SLC25A12: variants seen among roughly 807,000 people sequenced by gnomAD.
SLC25A12 encodes the protein electrogenic aspartate/glutamate antiporter SLC25A12, mitochondrial.
Under a neutral mutation model 83.3 loss-of-function variants are expected in SLC25A12, and 32 were observed. That is an observed-to-expected ratio of 0.38 (90% confidence interval 0.29 to 0.52). The LOEUF (loss-of-function observed/expected upper bound fraction) is 0.52. Among genes scored for constraint, SLC25A12 ranks in the 20% least tolerant of loss-of-function variants. The pLI is 0.84. For missense variants in SLC25A12, 611 were observed against 835.6 expected, an observed-to-expected ratio of 0.73 and a Z score of 3.31; for synonymous variants, 267 against 291.1, an observed-to-expected ratio of 0.92 and a Z score of 0.84.
intron 8 of SLC25A12, among the ~76,000 whole-genome samples, chr2:171,828,729 T>C (rs1259520057): frequency 1.3e-5 from 2 of 152,222 alleles, no homozygotes; most frequent in African/African-American, 2.4e-5. Context: ...ATCCAACCTC[T>C]AGTTCCTATT....
chr2:171,806,281 C>A (rs1051060025), intron 13 of SLC25A12, among the ~76,000 whole-genome samples: 2 of 152,224 alleles, frequency 1.3e-5, no homozygotes, highest in Admixed American at 1.3e-4. Flanking sequence ...CATGGAGAAA[C>A]CCCAGCTCTA....
At chr2:171,879,319 C>T (rs551718205) in intron 2 of SLC25A12, among the ~76,000 whole-genome samples, 2 of 152,292 alleles carry the variant, frequency 1.3e-5, no homozygotes, top group African/African-American at 2.4e-5. Flanking sequence ...TTATTCAGTG[C>T]TCTGTCTTCC....
At chr2:171,866,547 G>A (rs1685313753) in intron 3 of SLC25A12, among the ~76,000 whole-genome samples, 2 of 129,466 alleles carry the variant, frequency 1.5e-5, no homozygotes, top group Admixed American at 8.4e-5. Context: ...GGGCAGAGGC[G>A]CCCCTCACCT....
intron 2 of SLC25A12, among the ~76,000 whole-genome samples, chr2:171,887,102 C>G (rs1168631713): frequency 6.6e-6 from 1 of 152,096 alleles, no homozygotes; most frequent in Non-Finnish European, 1.5e-5. Context: ...CTTCTCAGCT[C>G]CAGGCTACTG....
At chr2:171,877,951 C>T (rs1160697683) in intron 2 of SLC25A12, among the ~76,000 whole-genome samples, 3 of 152,016 alleles carry the variant, frequency 2.0e-5, no homozygotes, top group Non-Finnish European at 4.4e-5. Flanking sequence ...AAACTGGTTA[C>T]TTTTAAAAAA....
intron 3 of SLC25A12, among the ~76,000 whole-genome samples, chr2:171,856,412 C>T (rs1009154541): frequency 6.6e-6 from 1 of 152,120 alleles, no homozygotes; most frequent in Non-Finnish European, 1.5e-5. Flanking sequence ...GCCAAATATA[C>T]CCTGGTGAGC....
At chr2:171,879,729 C>T (rs986015736) in intron 2 of SLC25A12, among the ~76,000 whole-genome samples, 3 of 152,158 alleles carry the variant, frequency 2.0e-5, no homozygotes, top group Admixed American at 6.5e-5. Context: ...CAAATCATGT[C>T]GCTTTGACAA....
chr2:171,788,140 T>C (rs555910832), intron 15 of SLC25A12, 193 bp from the exon 16 acceptor site: 94 of 577,270 alleles, frequency 1.6e-4, no homozygotes, highest in Non-Finnish European at 2.7e-4. Flanking sequence ...AGGGGAAAAT[T>C]ATTATTATTT....
rs1362294866 is a variant in SLC25A12, at chr2:171,787,697, A to G, written c.1745-36T>C. On this transcript the variant is annotated intron_variant, in intron 16 of 17. Coordinates refer to ENST00000422440, the MANE Select transcript of SLC25A12 (RefSeq NM_003705.5). The stretch of plus-strand genomic sequence containing the variant: ...GAAGCAGGGGCAGGGGAGACTTGAA[A>G]CCAGGACAAATGTGGTAAAGATAGC... 5 of 1,610,124 alleles carry G rather than the reference A, an allele frequency of 3.1e-6. No homozygotes were observed. In the Admixed American group the frequency reaches 6.7e-5, roughly 21 times the overall value.
intron 2 of SLC25A12, among the ~76,000 whole-genome samples, chr2:171,889,939 A>G (rs1006287438): frequency 3.3e-5 from 5 of 152,252 alleles, no homozygotes; most frequent in African/African-American, 9.6e-5. Context: ...CACACTCTAA[A>G]TGATCAATAA....
At position 171,810,322 on chromosome 2, in the gene SLC25A12, T is replaced by C. The variant is rs200795620; in HGVS notation, c.1172-46A>G. 2.8e-6 allele frequency: 4 copies of C among 1,439,008 alleles called. No individual in the cohort carries two copies. The African/African-American group carries it at 4.2e-5, about 15-fold the overall frequency. The allele number at this position is 1,439,008 out of a possible 1,614,324, so 89.1% of individuals were successfully genotyped here. A position where few individuals can be genotyped will look rare whatever the true frequency, so the allele number is the denominator to read the frequency against. On this transcript the variant is annotated intron_variant, in intron 11 of 17. Coordinates refer to ENST00000422440, the MANE Select transcript of SLC25A12 (RefSeq NM_003705.5). ...ATCAGCAATATAGCTGTACCAGACA[T>C]GAATACACAAGCCCAGCAACAAAGA...
intron 13 of SLC25A12, among the ~76,000 whole-genome samples, chr2:171,794,463 C>T (rs1226601060): frequency 7.2e-5 from 11 of 152,104 alleles, no homozygotes; most frequent in Admixed American, 2.0e-4. Flanking sequence ...AGAAATGGAA[C>T]ATCTAGTTAC....
intron 15 of SLC25A12, 155 bp from the exon 16 acceptor site, chr2:171,788,102 G>A (rs556952455): frequency 2.8e-6 from 2 of 707,770 alleles, no homozygotes; most frequent in African/African-American, 1.8e-5. Context: ...AAAGGGCATA[G>A]AAGCCTATTA....
At chr2:171,858,451 C>G (rs1573988060) in intron 3 of SLC25A12, among the ~76,000 whole-genome samples, 1 of 152,138 alleles carries the variant, frequency 6.6e-6, no homozygotes, top group Non-Finnish European at 1.5e-5. Context: ...TACACCTACC[C>G]TGAAATACAG....
intron 15 of SLC25A12, among the ~76,000 whole-genome samples, chr2:171,789,414 G>C (rs1463521944): frequency 1.3e-5 from 2 of 152,170 alleles, no homozygotes; most frequent in East Asian, 2.0e-4. Context: ...ATTTTTAGTA[G>C]AGACGGGGTT....
At chr2:171,838,470 C>T (rs555905479) in intron 5 of SLC25A12, among the ~76,000 whole-genome samples, 2,858 of 20,620 alleles carry the variant, frequency 0.14, 57 homozygotes, top group Admixed American at 0.35. Context: ...CACAGGTTCA[C>T]TCCCTGTCTT....
chr2:171,878,170 C>G (rs1298148615), intron 2 of SLC25A12, among the ~76,000 whole-genome samples: 1 of 152,112 alleles, frequency 6.6e-6, no homozygotes, highest in Non-Finnish European at 1.5e-5. Context: ...TGCCTGCTGT[C>G]AAGTAGCTCA....
At chr2:171,835,389 A>G (rs1402631050) in intron 6 of SLC25A12, among the ~76,000 whole-genome samples, 1 of 152,246 alleles carries the variant, frequency 6.6e-6, no homozygotes, top group Non-Finnish European at 1.5e-5. Flanking sequence ...GTCTGTGCTA[A>G]ACTCTAAATT....
chr2:171,875,723 C>T (rs1237772600), intron 2 of SLC25A12, among the ~76,000 whole-genome samples: 1 of 151,898 alleles, frequency 6.6e-6, no homozygotes, highest in Non-Finnish European at 1.5e-5. Flanking sequence ...ACCATCCTGG[C>T]TAACATGGTG....
Sources: allele counts gnomAD v4.1 joint callset (sites outside exome capture counted in the v4.1 genomes callset), GRCh38; gene constraint gnomAD v4.1.1; transcripts MANE v1.5; gene names NCBI Gene and HGNC (gene_info 2026-07-23, HGNC 2026-07-21).